DPY19L1: variants seen among roughly 807,000 people sequenced by gnomAD.
DPY19L1 encodes protein C-mannosyl-transferase DPY19L1.
Under a neutral mutation model 96.9 loss-of-function variants are expected in DPY19L1, and 35 were observed. The observed-to-expected ratio is 0.36, with a 90% CI of 0.28 to 0.48. The LOEUF is 0.48. Among genes scored for constraint, DPY19L1 ranks in the 20% least tolerant of loss-of-function variants. The pLI, the probability that DPY19L1 is intolerant of heterozygous loss-of-function variation, is 0.99. For synonymous variants in DPY19L1, 205 were observed against 252.6 expected (o/e 0.81, Z 1.79); for missense variants, 521 against 777.9 (o/e 0.67, Z 3.93).
At chr7:35,019,464 A>G (rs1199759601) in intron 1 of DPY19L1, among the ~76,000 whole-genome samples, 1 of 150,878 alleles carries the variant, frequency 6.6e-6, no homozygotes, top group Non-Finnish European at 1.5e-5. Context: ...CAAAAAAACA[A>G]AAGAAAGAGA....
chr7:34,973,670 T>G (rs779049089), intron 7 of DPY19L1, 65 bp from the exon 8 acceptor site: 204 of 840,866 alleles, frequency 2.4e-4, no homozygotes, highest in Non-Finnish European at 3.1e-4. Flanking sequence ...AAGTAAAAAT[T>G]GCTATTTATA....
intron 16 of DPY19L1, among the ~76,000 whole-genome samples, chr7:34,944,018 C>A (rs1272988996): frequency 6.6e-6 from 1 of 152,050 alleles, no homozygotes; most frequent in African/African-American, 2.4e-5. Flanking sequence ...ATTATGTTGG[C>A]AGAGACTTGG....
At chr7:34,983,455 T>A (rs577380882) in intron 7 of DPY19L1, among the ~76,000 whole-genome samples, 1 of 146,624 alleles carries the variant, frequency 6.8e-6, no homozygotes, top group African/African-American at 2.5e-5. Context: ...GGAGGCTCTA[T>A]GGAATAAATG....
chr7:34,989,334 G>A (rs1785114526), intron 7 of DPY19L1, among the ~76,000 whole-genome samples: 2 of 152,110 alleles, frequency 1.3e-5, no homozygotes, highest in African/African-American at 2.4e-5. Context: ...GATACTTGAG[G>A]GCAGGCGTGG....
At chr7:34,969,808 T>C (rs1427734108) in intron 8 of DPY19L1, among the ~76,000 whole-genome samples, 1 of 152,188 alleles carries the variant, frequency 6.6e-6, no homozygotes, top group African/African-American at 2.4e-5. Flanking sequence ...TTTTGGTGAA[T>C]CCATGACTGA....
At chr7:34,998,466 C>A (rs1562821413) in intron 6 of DPY19L1, among the ~76,000 whole-genome samples, 1 of 152,304 alleles carries the variant, frequency 6.6e-6, no homozygotes, top group East Asian at 1.9e-4. Context: ...CTGACCCTGC[C>A]TCAGAAAGTG....
At chr7:34,992,873 G>A (rs989203427) in intron 6 of DPY19L1, among the ~76,000 whole-genome samples, 4 of 152,020 alleles carry the variant, frequency 2.6e-5, no homozygotes, top group African/African-American at 9.7e-5. Flanking sequence ...AAACTGCTGT[G>A]ACTATGTGCC....
chr7:34,997,483 G>A (rs1785316506), intron 6 of DPY19L1, among the ~76,000 whole-genome samples: 1 of 148,774 alleles, frequency 6.7e-6, no homozygotes, highest in African/African-American at 2.5e-5. Flanking sequence ...GGTGCCAGGC[G>A]CCTGTAGTCC....
intron 10 of DPY19L1, among the ~76,000 whole-genome samples, chr7:34,962,137 C>T (rs947048622): frequency 2.6e-5 from 4 of 152,202 alleles, no homozygotes; most frequent in Non-Finnish European, 4.4e-5. Flanking sequence ...TAAAAACCTG[C>T]ATACAGATGT....
At position 35,018,095 on chromosome 7, in the gene DPY19L1, A is replaced by G. The variant is rs1409181372; in HGVS notation, c.324-126T>C. On this transcript the variant is annotated intron_variant, in intron 2 of 21. Coordinates refer to ENST00000638088, the MANE Select transcript of DPY19L1 (RefSeq NM_001366673.1). ...GATAATTTTGTAATAACACTCAAAT[A>G]CAATAGTATCTATATTTTTTTCACT... 19 of 577,410 alleles carry G rather than the reference A, an allele frequency of 3.3e-5. No individual in the cohort carries two copies. The East Asian group carries it at 5.8e-4, about 18-fold the overall frequency. 35.8% of individuals were successfully genotyped at this position (577,410 alleles called of 1,614,324 possible).
chr7:34,963,435 A>G (rs1360545105), intron 10 of DPY19L1, among the ~76,000 whole-genome samples: 1 of 152,226 alleles, frequency 6.6e-6, no homozygotes, highest in African/African-American at 2.4e-5. Context: ...TCCTTAAAAA[A>G]TAGATTTACC....
At chr7:34,989,626 C>G (rs1785121697) in intron 7 of DPY19L1, among the ~76,000 whole-genome samples, 1 of 121,016 alleles carries the variant, frequency 8.3e-6, no homozygotes, top group Admixed American at 1.1e-4. Context: ...GCCTCAAAAA[C>G]AAAAACAACA....
chr7:34,984,817 CTCTA>C (rs10596945), intron 7 of DPY19L1, among the ~76,000 whole-genome samples: 37,103 of 151,828 alleles, frequency 0.24, 5,034 homozygotes, highest in Admixed American at 0.38. Flanking sequence ...TCTGCTCCCA[CTCTA>C]TCCTACCTCC....
At chr7:34,980,155 A>G (rs566354635) in intron 7 of DPY19L1, among the ~76,000 whole-genome samples, 1 of 152,116 alleles carries the variant, frequency 6.6e-6, no homozygotes, top group South Asian at 2.1e-4. Context: ...AGCGGGGAAA[A>G]ATCTTCTTTT....
chr7:34,979,712 C>T (rs999394281), intron 7 of DPY19L1, among the ~76,000 whole-genome samples: 1 of 152,038 alleles, frequency 6.6e-6, no homozygotes, highest in African/African-American at 2.4e-5. Context: ...GTGCCAAAAT[C>T]ATAAAATATC....
intron 18 of DPY19L1, chr7:34,940,836 T>C (rs1783995614): frequency 6.4e-6 from 1 of 155,402 alleles, no homozygotes; most frequent in East Asian, 1.9e-4. Context: ...CACCAACCTA[T>C]ATCATCAGTC....
At chr7:35,016,210 T>C (rs1277299987) in intron 3 of DPY19L1, among the ~76,000 whole-genome samples, 1 of 152,182 alleles carries the variant, frequency 6.6e-6, no homozygotes, top group African/African-American at 2.4e-5. Flanking sequence ...GAAAATGTCT[T>C]GTAGTACCTG....
At chr7:35,031,795 A>C (rs1786266300) in intron 1 of DPY19L1, among the ~76,000 whole-genome samples, 1 of 152,230 alleles carries the variant, frequency 6.6e-6, no homozygotes, top group Non-Finnish European at 1.5e-5. Context: ...TTAATAATAA[A>C]ATATGTTTAG....
chr7:35,005,724 T>C (rs1284085216), intron 6 of DPY19L1, among the ~76,000 whole-genome samples: 2 of 150,782 alleles, frequency 1.3e-5, no homozygotes, highest in African/African-American at 2.4e-5. Flanking sequence ...GAGACGAGAA[T>C]TGCTTGAACC....
Sources: allele counts gnomAD v4.1 joint callset (sites outside exome capture counted in the v4.1 genomes callset), GRCh38; gene constraint gnomAD v4.1.1; transcripts MANE v1.5; gene names NCBI Gene and HGNC (gene_info 2026-07-23, HGNC 2026-07-21).